Variants in EPHB2 observed in about 807,000 individuals in gnomAD.
EPHB2 encodes EPH receptor B2.
Under a neutral mutation model 96.4 loss-of-function variants are expected in EPHB2, and 18 were observed. The ratio of observed to expected loss-of-function variants is 0.19; its 90% CI spans 0.13 to 0.28. The LOEUF (loss-of-function observed/expected upper bound fraction) is 0.28, where lower values mean the gene tolerates loss of function less well. Ranked by LOEUF, EPHB2 falls within the 10% of genes least tolerant of loss-of-function variation. EPHB2 has a pLI of 1.00. For missense variants in EPHB2, 989 were observed against 1,355.4 expected, an observed-to-expected ratio of 0.73 and a Z score of 4.25; for synonymous variants, 506 against 534.1, an observed-to-expected ratio of 0.95 and a Z score of 0.72.
chr1:22,903,907 T>C (rs765990382), intron 9 of EPHB2, among the ~76,000 whole-genome samples: 9 of 152,180 alleles, frequency 5.9e-5, no homozygotes, highest in Non-Finnish European at 1.0e-4. Context: ...CTTAACCTCT[T>C]TGGGGGCCTC....
At chr1:22,730,090 C>T (rs1364080770) in intron 1 of EPHB2, among the ~76,000 whole-genome samples, 22 of 152,300 alleles carry the variant, frequency 1.4e-4, no homozygotes, top group Middle Eastern at 3.4e-3. Flanking sequence ...GTGTGGGATC[C>T]GAGGTGAATT....
chr1:22,802,504 A>G (rs1463272084), intron 3 of EPHB2, among the ~76,000 whole-genome samples: 1 of 152,124 alleles, frequency 6.6e-6, no homozygotes, highest in East Asian at 1.9e-4. Flanking sequence ...GTCTAAGGCC[A>G]AAGACTATGC....
intron 3 of EPHB2, among the ~76,000 whole-genome samples, chr1:22,862,672 C>T (rs1299929942): frequency 6.6e-6 from 1 of 152,070 alleles, no homozygotes; most frequent in Admixed American, 6.5e-5. Context: ...GAATCAGGGC[C>T]CAGCCAGACA....
At chr1:22,824,437 T>C (rs1645194909) in intron 3 of EPHB2, among the ~76,000 whole-genome samples, 1 of 152,140 alleles carries the variant, frequency 6.6e-6, no homozygotes. Context: ...CTTCCAGAGC[T>C]GTTGTGTATT....
chr1:22,877,150 A>G (rs1481405710), intron 5 of EPHB2, among the ~76,000 whole-genome samples: 2 of 152,216 alleles, frequency 1.3e-5, no homozygotes, highest in Admixed American at 6.5e-5. Flanking sequence ...GTCAGCCGGC[A>G]TCAGCCACAG....
chr1:22,911,304 T>C (rs1640096658), intron 14 of EPHB2, among the ~76,000 whole-genome samples: 1 of 152,110 alleles, frequency 6.6e-6, no homozygotes, highest in South Asian at 2.1e-4. Flanking sequence ...ATCACACACA[T>C]GCTAACACAA....
intron 5 of EPHB2, among the ~76,000 whole-genome samples, chr1:22,873,212 A>G (rs1190065729): frequency 6.6e-6 from 1 of 152,322 alleles, no homozygotes; most frequent in East Asian, 1.9e-4. Context: ...GGCGAGGTGC[A>G]TTCTTAGGTT....
At chr1:22,779,884 T>C (rs1644504349) in intron 1 of EPHB2, among the ~76,000 whole-genome samples, 2 of 152,140 alleles carry the variant, frequency 1.3e-5, no homozygotes, top group African/African-American at 2.4e-5. Context: ...GGGCACAGAA[T>C]TGGAGCATGG....
At chr1:22,761,706 C>T (rs374330602) in intron 1 of EPHB2, among the ~76,000 whole-genome samples, 3 of 152,240 alleles carry the variant, frequency 2.0e-5, no homozygotes, top group East Asian at 3.9e-4. Flanking sequence ...GGCAACCCTT[C>T]CCCTGGACGC....
intron 3 of EPHB2, among the ~76,000 whole-genome samples, chr1:22,797,271 C>T (rs1172572383): frequency 1.3e-5 from 2 of 152,190 alleles, no homozygotes; most frequent in Non-Finnish European, 2.9e-5. Flanking sequence ...AACAGCTCAT[C>T]ATCGAGGCCT....
At chr1:22,892,346 T>G (rs1350026605) in intron 6 of EPHB2, among the ~76,000 whole-genome samples, 2 of 152,200 alleles carry the variant, frequency 1.3e-5, no homozygotes, top group Admixed American at 6.5e-5. Context: ...ACATGCATAT[T>G]AGTCAGCTTT....
chr1:22,804,695 C>T (rs554195115), intron 3 of EPHB2, among the ~76,000 whole-genome samples: 1 of 152,108 alleles, frequency 6.6e-6, no homozygotes, highest in South Asian at 2.1e-4. Flanking sequence ...CCCTTCCCGC[C>T]CCTCCCAGCT....
At chr1:22,748,465 T>C (rs1644009754) in intron 1 of EPHB2, among the ~76,000 whole-genome samples, 1 of 151,334 alleles carries the variant, frequency 6.6e-6, no homozygotes. Flanking sequence ...CACTGCAAGC[T>C]CCACCTCCCA....
chr1:22,765,261 G>A (rs779876547), intron 1 of EPHB2, among the ~76,000 whole-genome samples: 3 of 152,104 alleles, frequency 2.0e-5, no homozygotes, highest in Admixed American at 6.5e-5. Context: ...AAAACCCTGA[G>A]TCTAGCCGGG....
At chr1:22,894,248 T>C (rs1639482153) in intron 7 of EPHB2, among the ~76,000 whole-genome samples, 1 of 152,074 alleles carries the variant, frequency 6.6e-6, no homozygotes, top group Non-Finnish European at 1.5e-5. Context: ...GGCACTAAGG[T>C]CCCAGAGCGC....
chr1:22,792,094 T>C (rs2148435388), intron 3 of EPHB2, among the ~76,000 whole-genome samples: 1 of 152,152 alleles, frequency 6.6e-6, no homozygotes, highest in South Asian at 2.1e-4. Context: ...AGGGGTCCTT[T>C]CTGGGCCTTC....
intron 5 of EPHB2, among the ~76,000 whole-genome samples, chr1:22,866,619 C>T (rs1254173899): frequency 6.6e-6 from 1 of 151,958 alleles, no homozygotes; most frequent in Non-Finnish European, 1.5e-5. Context: ...GGAGGAAGGG[C>T]ATGCCAAGGA....
At chr1:22,839,426 A>C (rs1038580570) in intron 3 of EPHB2, among the ~76,000 whole-genome samples, 1 of 152,224 alleles carries the variant, frequency 6.6e-6, no homozygotes, top group Admixed American at 6.5e-5. Context: ...ACCAAAGATG[A>C]GTAAGGCCTG....
At chr1:22,822,397 GAGAAA>G (rs1423439642) in intron 3 of EPHB2, among the ~76,000 whole-genome samples, 1 of 151,920 alleles carries the variant, frequency 6.6e-6, no homozygotes, top group Non-Finnish European at 1.5e-5. Context: ...AAATGAAGAT[GAGAAA>G]AGAAAACAAA....
Sources: gnomAD v4.1 joint callset for allele counts (sites outside exome capture counted in the v4.1 genomes callset) on GRCh38, gnomAD v4.1.1 for gene constraint, MANE v1.5 for transcripts, NCBI Gene and HGNC (gene_info 2026-07-23, HGNC 2026-07-21) for gene names.